FBXO8: variants seen among roughly 807,000 people sequenced by gnomAD.
The protein encoded by FBXO8 is F-box protein 8.
FBXO8 carries 15 observed loss-of-function variants against 33.4 expected under a neutral mutation model. The observed-to-expected ratio is 0.45, with a 90% CI of 0.30 to 0.69. The LOEUF is 0.69. Ranked by LOEUF, FBXO8 falls within the 30% of genes least tolerant of loss-of-function variation. The pLI is 0.08. For synonymous variants in FBXO8, 132 were observed against 131.5 expected (o/e 1.00, Z -0.02); for missense variants, 274 against 380.3 (o/e 0.72, Z 2.32).
Position 174,241,865 on chromosome 4 carries a change from T to G in FBXO8, c.457-647A>C, listed in dbSNP as rs1736048418. Among the ~76,000 whole-genome samples, 1 of 151,468 alleles carries G rather than the reference T, an allele frequency of 6.6e-6. No individual in the cohort carries two copies. The highest frequency in any genetic ancestry group is 1.5e-5 in the Non-Finnish European group (1 of 67,554). Reference sequence around the variant, plus strand: ...AACAATTCAATGTTTTTCATAGAATTTATCTTTGAATTTCCTTTTCTCTGC... The same window carrying G: ...AACAATTCAATGTTTTTCATAGAATGTATCTTTGAATTTCCTTTTCTCTGC... On this transcript the variant is annotated intron_variant, in intron 3 of 5. Coordinates refer to ENST00000393674, the MANE Select transcript of FBXO8 (RefSeq NM_012180.3). The surrounding 1 kb of genome is among the most constrained non-coding windows in gnomAD (Gnocchi z 4.2).
At chr4:174,258,060 A>G (rs1274830164) in intron 3 of FBXO8, among the ~76,000 whole-genome samples, 1 of 152,148 alleles carries the variant, frequency 6.6e-6, no homozygotes, top group Non-Finnish European at 1.5e-5. Flanking sequence ...AAAGTTCATC[A>G]TATGAACTGT....
intron 3 of FBXO8, among the ~76,000 whole-genome samples, chr4:174,258,618 T>C (rs1160721968): frequency 2.6e-5 from 4 of 152,122 alleles, no homozygotes; most frequent in Non-Finnish European, 5.9e-5. Flanking sequence ...GTAAGAAGTG[T>C]ATCAGTAAAC....
chr4:174,251,068 A>G lies in FBXO8; in HGVS notation c.456+8631T>C, dbSNP rs1736275297. Among the ~76,000 whole-genome samples the G allele has an allele frequency of 6.6e-6, 1 of 152,190 alleles. No individual in the cohort carries two copies. ...CACTGTAAAGTCTCTAGTTACAATTACTTAAATTGCTAACAAAAGTAAAAT... is the reference window on the plus strand; with the variant it reads ...CACTGTAAAGTCTCTAGTTACAATTGCTTAAATTGCTAACAAAAGTAAAAT... On this transcript the variant is annotated intron_variant, in intron 3 of 5. Transcript: ENST00000393674. This position sits in a 1 kb window ranked among gnomAD's most constrained non-coding sequence, Gnocchi z 4.2.
chr4:174,256,720 T>C lies in FBXO8; in HGVS notation c.456+2979A>G, dbSNP rs1350744436. Among the ~76,000 whole-genome samples, 1 of 152,206 alleles carries C rather than the reference T, an allele frequency of 6.6e-6. No individual in the cohort carries two copies. The highest frequency in any genetic ancestry group is 2.4e-5 in the African/African-American group (1 of 41,470). On this transcript the variant is annotated intron_variant, in intron 3 of 5. Transcript: ENST00000393674. The surrounding 1 kb of genome is among the most constrained non-coding windows in gnomAD (Gnocchi z 4.6). ...TTTCCTAAGTGCATTCTGGTAAAGA[T>C]AGCATTTTCTTTTGCTATTAGGTAA...
chr4:174,279,819 T>C (rs1737037843), intron 1 of FBXO8, among the ~76,000 whole-genome samples: 1 of 152,074 alleles, frequency 6.6e-6, no homozygotes, highest in South Asian at 2.1e-4. Flanking sequence ...GTTGGAACCT[T>C]ACCCAACATT....
At chr4:174,238,972 C>A (rs1735962742) in intron 5 of FBXO8, 22 bp downstream of exon 5, 4 of 1,403,328 alleles carry the variant, frequency 2.9e-6, no homozygotes, top group Non-Finnish European at 3.8e-6. Context: ...GGGTGATGTA[C>A]TATTAATATA....
At chr4:174,258,395 C>T (rs1487510891) in intron 3 of FBXO8, among the ~76,000 whole-genome samples, 1 of 152,054 alleles carries the variant, frequency 6.6e-6, no homozygotes, top group East Asian at 1.9e-4. Context: ...GAAGAATGAT[C>T]ATTTGATTCT....
intron 1 of FBXO8, among the ~76,000 whole-genome samples, chr4:174,282,156 C>A (rs1694047410): frequency 6.6e-6 from 1 of 152,092 alleles, no homozygotes; most frequent in Non-Finnish European, 1.5e-5. Context: ...ATCTTTTAAC[C>A]TAGCAACAGT....
Position 174,263,114 on chromosome 4 carries a change from A to C in FBXO8, c.-8-14T>G. The C allele has an allele frequency of 6.2e-7, 1 of 1,606,080 alleles. No individual in the cohort carries two copies. The highest frequency in any genetic ancestry group is 2.2e-5 in the East Asian group (1 of 44,686). On this transcript the variant is annotated splice_polypyrimidine_tract_variant and intron_variant, in intron 1 of 5. Transcript: ENST00000393674. This position sits in a 1 kb window ranked among gnomAD's most constrained non-coding sequence, Gnocchi z 4.2. ...CCATCTGCAAGCCTGGGAAAAAGCC[A>C]GAATGTAATAAGGGTGACATTTAAA...
At chr4:174,280,928 AAG>A (rs1362185440) in intron 1 of FBXO8, among the ~76,000 whole-genome samples, 2 of 152,216 alleles carry the variant, frequency 1.3e-5, no homozygotes, top group Admixed American at 6.5e-5. Flanking sequence ...ACAAGATAAA[AAG>A]AGTAATGAAG....
chr4:174,283,465 CT>C lies in FBXO8; in HGVS notation c.-65del. ...CGACGAATTGGCCTCTGGGCGGGGA[CT>C]TTTAGCCAAAAGGAAAATGGCTCAG... On this transcript the variant is annotated 5_prime_UTR_variant, in exon 1 of 6. Coordinates refer to ENST00000393674, the MANE Select transcript of FBXO8 (RefSeq NM_012180.3). This position sits in a 1 kb window ranked among gnomAD's most constrained non-coding sequence, Gnocchi z 6.7. The C allele has an allele frequency of 6.3e-6, 1 of 158,932 alleles. No individual in the cohort carries two copies. The highest frequency in any genetic ancestry group is 1.4e-5 in the Non-Finnish European group (1 of 72,424). The allele number at this position is 158,932 out of a possible 1,614,324, so 9.8% of individuals were successfully genotyped here. A position where few individuals can be genotyped will look rare whatever the true frequency, so the allele number is the denominator to read the frequency against.
chr4:174,274,948 C>T lies in FBXO8; in HGVS notation c.-9+8462G>A, dbSNP rs1299220417. 6.6e-6 allele frequency among the ~76,000 whole-genome samples: 1 copy of T among 152,074 alleles called. No homozygotes were observed. Among genetic ancestry groups the T allele is most frequent in the Non-Finnish European group, 1.5e-5 (1 of 68,022 alleles). On this transcript the variant is annotated intron_variant, in intron 1 of 5. Transcript: ENST00000393674. The surrounding 1 kb of genome is among the most constrained non-coding windows in gnomAD (Gnocchi z 4.0). ...GATGATCATGAAAGTAAAAATTGAT[C>T]GAATTCATCAAAATAAAAAATTTTT...
rs543435063 is a variant in FBXO8 at position 174,272,737 on chromosome 4, T to C, written c.-8-9637A>G. On this transcript the variant is annotated intron_variant, in intron 1 of 5. Transcript: ENST00000393674. This position sits in a 1 kb window ranked among gnomAD's most constrained non-coding sequence, Gnocchi z 4.7. ...ATCTGGAGTTTGACAAAGAATGGAA[T>C]ACTTACAGAATCCCAAAGTATCTTC... Among the ~76,000 whole-genome samples the C allele has an allele frequency of 2.4e-4, 36 of 152,328 alleles. No individual in the cohort carries two copies. The highest frequency in any genetic ancestry group is 4.0e-4 in the Non-Finnish European group (27 of 68,020).
rs1448183182 is a variant in FBXO8, at chr4:174,259,218, C to T, written c.456+481G>A. Among the ~76,000 whole-genome samples the T allele has an allele frequency of 1.3e-5, 2 of 151,858 alleles. No homozygotes were observed. The highest frequency in any genetic ancestry group is 4.8e-5 in the African/African-American group (2 of 41,370). On this transcript the variant is annotated intron_variant, in intron 3 of 5. Coordinates refer to ENST00000393674, the MANE Select transcript of FBXO8 (RefSeq NM_012180.3). This position sits in a 1 kb window ranked among gnomAD's most constrained non-coding sequence, Gnocchi z 4.3. The stretch of plus-strand genomic sequence containing the variant: ...AACAATCTATAAATAGTTCCTATGT[C>T]AACATGGAATTATATTGTTAAAGGC...
intron 3 of FBXO8, among the ~76,000 whole-genome samples, chr4:174,244,583 A>T (rs76650409): frequency 0.063 from 9,582 of 151,556 alleles, 419 homozygotes; most frequent in South Asian, 0.21. Flanking sequence ...TTTTATTTGC[A>T]TGTGGGGAGA....
At chr4:174,242,276 A>G (rs1304688913) in intron 3 of FBXO8, among the ~76,000 whole-genome samples, 1 of 151,616 alleles carries the variant, frequency 6.6e-6, no homozygotes, top group African/African-American at 2.4e-5. Context: ...GAAATATTAC[A>G]CACATTAAGA....
chr4:174,259,894 T>G lies in FBXO8; in HGVS notation c.330-69A>C. On this transcript the variant is annotated intron_variant, in intron 2 of 5. Transcript: ENST00000393674. This position sits in a 1 kb window ranked among gnomAD's most constrained non-coding sequence, Gnocchi z 4.3. ...TAATTTCCTAAGTTAAATATGCATA[T>G]ACATGCAAAAATAGTAACATGAAAT... 1 of 1,383,786 alleles carries G rather than the reference T, an allele frequency of 7.2e-7. No homozygotes were observed. Among genetic ancestry groups the G allele is most frequent in the Non-Finnish European group, 9.7e-7 (1 of 1,027,370 alleles). 85.7% of individuals were successfully genotyped at this position (1,383,786 alleles called of 1,614,324 possible).
chr4:174,260,989 A>G (rs958198026), intron 2 of FBXO8, among the ~76,000 whole-genome samples: 1 of 152,010 alleles, frequency 6.6e-6, no homozygotes, highest in African/African-American at 2.4e-5. Flanking sequence ...CTGTCTGAGC[A>G]TATAACATCA....
intron 1 of FBXO8, among the ~76,000 whole-genome samples, chr4:174,276,470 ATG>A (rs1491066300): frequency 3.9e-5 from 6 of 152,134 alleles, no homozygotes; most frequent in Non-Finnish European, 8.8e-5. Context: ...ACTCCTGACT[ATG>A]TGATCCGCCT....
Sources: gnomAD v4.1 joint callset for allele counts (sites outside exome capture counted in the v4.1 genomes callset) on GRCh38, gnomAD v4.1.1 for gene constraint, Gnocchi (gnomAD v3.1) non-coding constraint, MANE v1.5 for transcripts, NCBI Gene and HGNC (gene_info 2026-07-23, HGNC 2026-07-21) for gene names.